ANXA10: variants seen among roughly 807,000 people sequenced by gnomAD.
The protein encoded by ANXA10 is annexin A10.
In ANXA10, 49 loss-of-function variants were observed where a neutral mutation model predicts 53.5. That is an observed-to-expected ratio of 0.92 (90% confidence interval 0.73 to 1.16). ANXA10 has a LOEUF of 1.16. Ranked by LOEUF, ANXA10 falls within the 50% of genes most tolerant of loss-of-function variation. The pLI is 0.00. For missense variants in ANXA10, 393 were observed against 394.4 expected (o/e 1.00, Z 0.03); for synonymous variants, 131 against 128.9 (o/e 1.02, Z -0.11).
chr4:168,103,428 T>A (rs1730671912), intron 1 of ANXA10, among the ~76,000 whole-genome samples: 1 of 151,996 alleles, frequency 6.6e-6, no homozygotes, highest in South Asian at 2.1e-4. Flanking sequence ...GTTTTTTCTC[T>A]ATCAAATTGT....
chr4:168,155,972 TATG>T lies in ANXA10; in HGVS notation c.196-6553_196-6551del, dbSNP rs1262458834. On this transcript the variant is annotated intron_variant, in intron 3 of 11. Coordinates refer to ENST00000359299, the MANE Select transcript of ANXA10 (RefSeq NM_007193.5). ...ATATGATATATCATATATTATATTA[TATG>T]ATATATCATATATTATACATAATTT... is the stretch of plus-strand genomic sequence containing the variant. Among the ~76,000 whole-genome samples, 13 of 11,014 alleles carry T rather than the reference TATG, an allele frequency of 1.2e-3. 2 individuals carry two copies. Among genetic ancestry groups the T allele is most frequent in the Non-Finnish European group, 1.9e-3 (13 of 6,798 alleles). 7.2% of individuals were successfully genotyped at this position (11,014 alleles called of 152,430 possible).
At chr4:168,137,505 C>T (rs1419326761) in intron 2 of ANXA10, among the ~76,000 whole-genome samples, 1 of 152,088 alleles carries the variant, frequency 6.6e-6, no homozygotes, top group South Asian at 2.1e-4. Flanking sequence ...TCGTTTAGCT[C>T]CCACCCATCA....
intron 5 of ANXA10, 107 bp downstream of exon 5, chr4:168,164,395 A>G (rs1481819593): frequency 1.2e-6 from 1 of 859,766 alleles, no homozygotes; most frequent in Non-Finnish European, 1.8e-6. Context: ...ACATTCTTAC[A>G]TTTAACATAG....
chr4:168,131,830 T>C (rs1055386126), intron 2 of ANXA10, among the ~76,000 whole-genome samples: 3 of 152,102 alleles, frequency 2.0e-5, no homozygotes, highest in Admixed American at 6.6e-5. Flanking sequence ...TTTGATTGCA[T>C]TTGCATGGTA....
intron 8 of ANXA10, 73 bp downstream of exon 8, chr4:168,178,056 C>A: frequency 7.3e-7 from 1 of 1,373,548 alleles, no homozygotes; most frequent in South Asian, 1.2e-5. Context: ...TAACTAGAAA[C>A]AAAAATGAAA....
chr4:168,186,893 TAGC>T (rs1166501352), intron 11 of ANXA10, among the ~76,000 whole-genome samples: 2 of 152,172 alleles, frequency 1.3e-5, no homozygotes, highest in African/African-American at 4.8e-5. Flanking sequence ...TATATATTTT[TAGC>T]ACAAAACTTT....
In ANXA10 at chr4:168,187,605, T is replaced by C. The variant is rs1375973465; in HGVS notation, c.*171T>C. 9.5e-6 allele frequency: 4 copies of C among 419,560 alleles called. No individual in the cohort carries two copies. Among genetic ancestry groups the C allele is most frequent in the Non-Finnish European group, 1.7e-5 (4 of 234,878 alleles). 26.0% of individuals were successfully genotyped at this position (419,560 alleles called of 1,614,324 possible). A position where few individuals can be genotyped will look rare whatever the true frequency, so the allele number is the denominator to read the frequency against. ...AAAGAAAACTATGAATGAAAGTATA[T>C]GATACTGAATTTGCCTACTATCCTG... On this transcript the variant is annotated 3_prime_UTR_variant, in exon 12 of 12. Transcript: ENST00000359299.
At chr4:168,180,894 C>A (rs980439792) in intron 9 of ANXA10, among the ~76,000 whole-genome samples, 1 of 152,102 alleles carries the variant, frequency 6.6e-6, no homozygotes, top group Non-Finnish European at 1.5e-5. Context: ...ACCACCTTAG[C>A]AGTTTTTATT....
chr4:168,142,013 A>G (rs1731335749), intron 3 of ANXA10, among the ~76,000 whole-genome samples: 1 of 152,118 alleles, frequency 6.6e-6, no homozygotes, highest in Non-Finnish European at 1.5e-5. Context: ...ACAGCAGTCA[A>G]ATTGGTACTT....
intron 1 of ANXA10, among the ~76,000 whole-genome samples, chr4:168,100,879 T>C (rs1730627950): frequency 6.6e-6 from 1 of 152,070 alleles, no homozygotes; most frequent in Non-Finnish European, 1.5e-5. Flanking sequence ...TATATAACCA[T>C]ATTGAAATTA....
intron 6 of ANXA10, among the ~76,000 whole-genome samples, chr4:168,169,565 G>A (rs751091295): frequency 5.0e-4 from 76 of 152,222 alleles, no homozygotes; most frequent in Non-Finnish European, 8.4e-4. Context: ...GCCGATCTCC[G>A]TCTCAAAGTC....
chr4:168,162,076 G>C (rs1258070319), intron 3 of ANXA10, among the ~76,000 whole-genome samples: 2 of 152,032 alleles, frequency 1.3e-5, no homozygotes, highest in Non-Finnish European at 2.9e-5. Context: ...TACATAAGCT[G>C]TTTGGCAATA....
chr4:168,160,020 A>G (rs117699190), intron 3 of ANXA10, among the ~76,000 whole-genome samples: 2 of 152,300 alleles, frequency 1.3e-5, no homozygotes, highest in East Asian at 3.9e-4. Flanking sequence ...TGGTAACCCT[A>G]CAGAAAATAA....
chr4:168,116,633 AAT>A (rs1244672596), intron 1 of ANXA10, among the ~76,000 whole-genome samples: 22 of 152,158 alleles, frequency 1.4e-4, no homozygotes, highest in Admixed American at 1.4e-3. Flanking sequence ...GCACTATTTT[AAT>A]TTTTCATATT....
intron 11 of ANXA10, 95 bp from the exon 12 acceptor site, chr4:168,187,271 C>A: frequency 1.4e-6 from 1 of 710,354 alleles, no homozygotes; most frequent in Non-Finnish European, 2.2e-6. Context: ...GCTAATGGTC[C>A]ATGGCTCTTT....
chr4:168,152,590 C>G (rs866048761), intron 3 of ANXA10, among the ~76,000 whole-genome samples: 5 of 151,670 alleles, frequency 3.3e-5, no homozygotes, highest in African/African-American at 4.8e-5. Context: ...AGAGGAGTAA[C>G]TAATTTGATT....
chr4:168,132,225 C>T (rs1199819486), intron 2 of ANXA10, among the ~76,000 whole-genome samples: 1 of 151,962 alleles, frequency 6.6e-6, no homozygotes, highest in Admixed American at 6.6e-5. Flanking sequence ...TGGAAGCAAC[C>T]TGTGCATCAA....
rs1284367004 is a variant in ANXA10 at position 168,155,481 on chromosome 4, ATATTATATAATATAT to A, written c.196-7046_196-7032del. 1.2e-4 allele frequency among the ~76,000 whole-genome samples: 2 copies of A among 16,004 alleles called. 1 individual carries two copies. Among genetic ancestry groups the A allele is most frequent in the African/African-American group, 8.8e-4 (2 of 2,276 alleles). The allele number at this position is 16,004 out of a possible 152,430, so 10.5% of individuals were successfully genotyped here. Reference sequence around the variant, plus strand: ...TTTATAATATATAATTATAAATTATATATTATATAATATATAATTATATATTATAAAATATATAAT... The same window carrying A: ...TTTATAATATATAATTATAAATTATAAATTATATATTATAAAATATATAAT... On this transcript the variant is annotated intron_variant, in intron 3 of 11. Transcript: ENST00000359299.
At chr4:168,177,671 A>G (rs771171605) in intron 6 of ANXA10, 69 bp from the exon 7 acceptor site, 12 of 1,459,612 alleles carry the variant, frequency 8.2e-6, no homozygotes, top group Non-Finnish European at 9.6e-6. Flanking sequence ...CAAGGATTTC[A>G]GTCTCACTAA....
Sources: gnomAD v4.1 joint callset for allele counts (sites outside exome capture counted in the v4.1 genomes callset) on GRCh38, gnomAD v4.1.1 for gene constraint, MANE v1.5 for transcripts, NCBI Gene and HGNC (gene_info 2026-07-23, HGNC 2026-07-21) for gene names.